Variants in NRXN1 observed in about 807,000 individuals in gnomAD.
NRXN1 encodes the protein neurexin-1.
NRXN1 carries 39 observed loss-of-function variants against 150.9 expected under a neutral mutation model. That is an observed-to-expected ratio of 0.26 (90% confidence interval 0.20 to 0.34). NRXN1 has a LOEUF of 0.34. Ranked by LOEUF, NRXN1 falls within the 10% of genes least tolerant of loss-of-function variation. The pLI is 1.00. For synonymous variants in NRXN1, 924 were observed against 757.0 expected (o/e 1.22, Z -3.62); for missense variants, 1,815 against 1,949.9 (o/e 0.93, Z 1.30).
At chr2:50,116,291 T>C (rs1703060270) in intron 18 of NRXN1, among the ~76,000 whole-genome samples, 1 of 152,002 alleles carries the variant, frequency 6.6e-6, no homozygotes, top group Admixed American at 6.6e-5. Context: ...CTCACTAAAG[T>C]TAAAGTTATT....
At chr2:50,385,357 A>G (rs1168893001) in intron 17 of NRXN1, among the ~76,000 whole-genome samples, 3 of 152,218 alleles carry the variant, frequency 2.0e-5, no homozygotes, top group African/African-American at 4.8e-5. Flanking sequence ...TTCTCATGTC[A>G]GAGACTAATA....
intron 19 of NRXN1, among the ~76,000 whole-genome samples, chr2:50,074,177 T>C (rs1182693057): frequency 6.6e-6 from 1 of 152,118 alleles, no homozygotes; most frequent in African/African-American, 2.4e-5. Context: ...TTATCAAGAG[T>C]ACATCATTTT....
chr2:50,945,249 A>T (rs1185835782), intron 2 of NRXN1, among the ~76,000 whole-genome samples: 1 of 152,186 alleles, frequency 6.6e-6, no homozygotes, highest in Non-Finnish European at 1.5e-5. Context: ...CCAAGGCAGG[A>T]GGATCACTTG....
intron 17 of NRXN1, among the ~76,000 whole-genome samples, chr2:50,255,229 A>C (rs1406866296): frequency 2.0e-5 from 3 of 152,192 alleles, no homozygotes; most frequent in Non-Finnish European, 2.9e-5. Flanking sequence ...TCAACGATAT[A>C]AGATTTTTTA....
At chr2:50,536,131 C>T (rs2093253514) in intron 10 of NRXN1, among the ~76,000 whole-genome samples, 1 of 152,254 alleles carries the variant, frequency 6.6e-6, no homozygotes, top group South Asian at 2.1e-4. Flanking sequence ...ACGAACTGGG[C>T]AGAAGCCAAA....
chr2:50,911,676 C>T (rs1273947871), intron 5 of NRXN1, among the ~76,000 whole-genome samples: 1 of 151,732 alleles, frequency 6.6e-6, no homozygotes, highest in Admixed American at 6.6e-5. Flanking sequence ...TTAGCTTTTC[C>T]TTGTCTGGAT....
chr2:50,431,201 A>C (rs1298616462), intron 17 of NRXN1, among the ~76,000 whole-genome samples: 2 of 152,110 alleles, frequency 1.3e-5, no homozygotes, highest in Non-Finnish European at 2.9e-5. Flanking sequence ...TCTCCACTTA[A>C]CATAAGCCAG....
intron 5 of NRXN1, among the ~76,000 whole-genome samples, chr2:50,668,434 A>G (rs140346596): frequency 6.6e-6 from 1 of 152,166 alleles, no homozygotes; most frequent in African/African-American, 2.4e-5. Flanking sequence ...ATTGGTATCC[A>G]TAAGTTATAT....
chr2:50,664,898 T>C (rs1010894567), intron 5 of NRXN1, among the ~76,000 whole-genome samples: 1 of 152,000 alleles, frequency 6.6e-6, no homozygotes, highest in Admixed American at 6.6e-5. Context: ...ATAAAAGGCA[T>C]AGAGATATTT....
intron 17 of NRXN1, among the ~76,000 whole-genome samples, chr2:50,445,488 C>G (rs2086321211): frequency 6.6e-6 from 1 of 152,176 alleles, no homozygotes; most frequent in African/African-American, 2.4e-5. Context: ...AAATGAAATT[C>G]TGAGCTCTGA....
chr2:50,542,400 A>C lies in NRXN1; in HGVS notation c.1760-3764T>G, dbSNP rs192075918. On this transcript the variant is annotated intron_variant, in intron 9 of 22. Coordinates refer to ENST00000401669, the MANE Select transcript of NRXN1 (RefSeq NM_001330078.2). ...TTAATCCAAGAAAGACTAGAACTTA[A>C]ATTGAGCTCTGGATTCAAAGTTAAG... is the stretch of plus-strand genomic sequence containing the variant. 8.1e-4 allele frequency among the ~76,000 whole-genome samples: 124 copies of C among 152,324 alleles called. 1 individual carries two copies. Among genetic ancestry groups the C allele is most frequent in the East Asian group, 5.0e-3 (26 of 5,176 alleles).
chr2:50,871,587 AT>A (rs1677789261), intron 5 of NRXN1, among the ~76,000 whole-genome samples: 1 of 151,896 alleles, frequency 6.6e-6, no homozygotes, highest in African/African-American at 2.4e-5. Context: ...AGATCTAGAT[AT>A]GTTTAAGGAC....
intron 17 of NRXN1, among the ~76,000 whole-genome samples, chr2:50,280,165 C>T (rs2071225298): frequency 6.6e-6 from 1 of 151,306 alleles, no homozygotes; most frequent in Admixed American, 6.6e-5. Flanking sequence ...GTAGTCCCAG[C>T]TACTTGGGAA....
At chr2:50,409,823 A>G (rs2083015664) in intron 17 of NRXN1, among the ~76,000 whole-genome samples, 1 of 152,240 alleles carries the variant, frequency 6.6e-6, no homozygotes, top group East Asian at 1.9e-4. Context: ...CCTGATAGAT[A>G]TGATTAGGCA....
At chr2:50,508,338 A>G (rs1418995836) in intron 12 of NRXN1, among the ~76,000 whole-genome samples, 2 of 152,154 alleles carry the variant, frequency 1.3e-5, no homozygotes, top group Non-Finnish European at 2.9e-5. Context: ...TGATGGCTAA[A>G]TAACTAGAGA....
chr2:50,769,414 T>C (rs544647640), intron 5 of NRXN1, among the ~76,000 whole-genome samples: 24 of 152,112 alleles, frequency 1.6e-4, no homozygotes, highest in Non-Finnish European at 2.9e-4. Flanking sequence ...GAGTATATTA[T>C]TCATAGAAAT....
chr2:50,907,359 A>C (rs1324075038), intron 5 of NRXN1, among the ~76,000 whole-genome samples: 1 of 152,034 alleles, frequency 6.6e-6, no homozygotes, highest in Admixed American at 6.6e-5. Context: ...TCAACTCTGA[A>C]AGTGCCTGTG....
chr2:50,361,589 A>T (rs925571630), intron 17 of NRXN1, among the ~76,000 whole-genome samples: 2 of 152,206 alleles, frequency 1.3e-5, no homozygotes, highest in African/African-American at 4.8e-5. Flanking sequence ...TGAAGAGACC[A>T]ATAACAAGTT....
intron 17 of NRXN1, among the ~76,000 whole-genome samples, chr2:50,344,145 T>C (rs559333254): frequency 2.0e-5 from 3 of 152,270 alleles, no homozygotes; most frequent in Admixed American, 6.5e-5. Context: ...CTCTTTCTTA[T>C]TAGGTTTCTC....
Sources: allele counts gnomAD v4.1 joint callset (sites outside exome capture counted in the v4.1 genomes callset), GRCh38; gene constraint gnomAD v4.1.1; transcripts MANE v1.5; gene names NCBI Gene and HGNC (gene_info 2026-07-23, HGNC 2026-07-21).